Variants in GTF2F2 observed in about 807,000 individuals in gnomAD.
The protein encoded by GTF2F2 is general transcription factor IIF subunit 2.
Under a neutral mutation model 42.2 loss-of-function variants are expected in GTF2F2, and 23 were observed. The ratio of observed to expected loss-of-function variants is 0.55; its 90% CI spans 0.39 to 0.77. The LOEUF (loss-of-function observed/expected upper bound fraction) is 0.77, where lower values mean the gene tolerates loss of function less well. Ranked by LOEUF, GTF2F2 falls within the 30% of genes least tolerant of loss-of-function variation. The pLI is 0.00. For missense variants in GTF2F2, 261 were observed against 287.2 expected (o/e 0.91, Z 0.66); for synonymous variants, 105 against 100.8 (o/e 1.04, Z -0.25).
chr13:45,182,736 T>C (rs1265483603), intron 4 of GTF2F2, among the ~76,000 whole-genome samples: 9 of 152,148 alleles, frequency 5.9e-5, no homozygotes, highest in Non-Finnish European at 1.3e-4. Flanking sequence ...TTGTTCACTA[T>C]TGGTAGCTAT....
Position 45,245,702 on chromosome 13 carries a change from CAT to C in GTF2F2, c.387-7165_387-7164del, listed in dbSNP as rs1179535959. On this transcript the variant is annotated intron_variant, in intron 5 of 7. Coordinates refer to ENST00000340473, the MANE Select transcript of GTF2F2 (RefSeq NM_004128.3). ...ATATATATATATATATATATATATA[CAT>C]ATACATACACACACACACACACCAC... Among the ~76,000 whole-genome samples the C allele has an allele frequency of 4.5e-3, 247 of 55,034 alleles. 1 individual carries two copies. Among genetic ancestry groups the C allele is most frequent in the African/African-American group, 0.019 (232 of 12,284 alleles). 36.1% of individuals were successfully genotyped at this position (55,034 alleles called of 152,430 possible).
chr13:45,199,566 C>A (rs1873074054), intron 4 of GTF2F2, among the ~76,000 whole-genome samples: 1 of 151,960 alleles, frequency 6.6e-6, no homozygotes, highest in African/African-American at 2.4e-5. Flanking sequence ...CTGGAAAATT[C>A]TATTGTAACC....
At chr13:45,171,742 T>A (rs922629563) in intron 4 of GTF2F2, among the ~76,000 whole-genome samples, 3 of 152,208 alleles carry the variant, frequency 2.0e-5, no homozygotes, top group African/African-American at 4.8e-5. Context: ...CCCACACCTA[T>A]TTGTAGTCAC....
At chr13:45,179,029 A>G (rs968869626) in intron 4 of GTF2F2, among the ~76,000 whole-genome samples, 8 of 152,174 alleles carry the variant, frequency 5.3e-5, no homozygotes, top group African/African-American at 1.9e-4. Flanking sequence ...GCTTCTTTAC[A>G]TGGTGGCTGT....
rs984870521 is a variant in GTF2F2, at chr13:45,228,588, C to T, written c.386+21083C>T. The stretch of plus-strand genomic sequence containing the variant: ...ACCAATGGGCACTGAGCAGCTTCTC[C>T]TCATCCCTTGGGTATTGTTCTCCCT... On this transcript the variant is annotated intron_variant, in intron 5 of 7. Coordinates refer to ENST00000340473, the MANE Select transcript of GTF2F2 (RefSeq NM_004128.3). 4.6e-5 allele frequency among the ~76,000 whole-genome samples: 7 copies of T among 151,444 alleles called. No homozygotes were observed. In the East Asian group the frequency reaches 1.4e-3, roughly 29 times the overall value.
rs1489486333 is a variant in GTF2F2 at position 45,190,216 on chromosome 13, G to A, written c.305-17208G>A. 3.9e-5 allele frequency among the ~76,000 whole-genome samples: 6 copies of A among 152,116 alleles called. No homozygotes were observed. In the South Asian group the frequency reaches 1.0e-3, roughly 26 times the overall value. On this transcript the variant is annotated intron_variant, in intron 4 of 7. Transcript: ENST00000340473. The stretch of plus-strand genomic sequence containing the variant: ...TATGAACAGACACTTCTCAAAAGAA[G>A]ACATTTATGCAGCCAACAGACATGT...
In GTF2F2 at chr13:45,232,971, TG is replaced by T. The variant is rs1184929803; in HGVS notation, c.387-19899del. Among the ~76,000 whole-genome samples the T allele has an allele frequency of 3.3e-5, 5 of 152,234 alleles. No individual in the cohort carries two copies. The East Asian group carries it at 9.6e-4, about 29-fold the overall frequency. The stretch of plus-strand genomic sequence containing the variant: ...GATCTAATCTTAAATGATGTAAAGA[TG>T]ATCACTTGACCATCTGTTACAAAAT... On this transcript the variant is annotated intron_variant, in intron 5 of 7. Transcript: ENST00000340473.
intron 2 of GTF2F2, among the ~76,000 whole-genome samples, chr13:45,140,752 GT>G (rs1206173025): frequency 6.6e-6 from 1 of 152,100 alleles, no homozygotes; most frequent in Admixed American, 6.5e-5. Context: ...GAACTTCAGA[GT>G]TTTTTATATT....
intron 3 of GTF2F2, among the ~76,000 whole-genome samples, chr13:45,150,946 C>A (rs1402231206): frequency 6.6e-6 from 1 of 151,760 alleles, no homozygotes; most frequent in Non-Finnish European, 1.5e-5. Flanking sequence ...CCCCATTATT[C>A]TTTTTGTTTT....
chr13:45,236,358 A>T (rs996415807), intron 5 of GTF2F2, among the ~76,000 whole-genome samples: 9 of 152,154 alleles, frequency 5.9e-5, no homozygotes, highest in Admixed American at 4.6e-4. Context: ...GGCATAACTG[A>T]CTTTCTATTT....
At chr13:45,230,650 G>A (rs574179895) in intron 5 of GTF2F2, among the ~76,000 whole-genome samples, 7 of 152,178 alleles carry the variant, frequency 4.6e-5, no homozygotes, top group African/African-American at 1.4e-4. Context: ...CTTATATATT[G>A]TCCATTTTGA....
chr13:45,243,617 T>C (rs755996494), intron 5 of GTF2F2, among the ~76,000 whole-genome samples: 7 of 152,260 alleles, frequency 4.6e-5, no homozygotes, highest in Non-Finnish European at 1.0e-4. Context: ...GTAGTGGTTT[T>C]ACTGTTTTTT....
At chr13:45,210,481 C>T (rs1873588368) in intron 5 of GTF2F2, among the ~76,000 whole-genome samples, 1 of 152,186 alleles carries the variant, frequency 6.6e-6, no homozygotes, top group Non-Finnish European at 1.5e-5. Flanking sequence ...TCTTTCTGTA[C>T]TTGTATCTTC....
rs567236403 is a variant in GTF2F2, at chr13:45,267,870, C to T, written c.630+494C>T. 2.4e-4 allele frequency among the ~76,000 whole-genome samples: 35 copies of T among 143,566 alleles called. No homozygotes were observed. In the South Asian group the frequency reaches 7.8e-3, roughly 32 times the overall value. The allele number at this position is 143,566 out of a possible 152,430, so 94.2% of individuals were successfully genotyped here. ...TAGGTCCTTTTAAACCTGAACTGAA[C>T]TGCACTTTCAAATTATGCTTGCAGA... On this transcript the variant is annotated intron_variant, in intron 7 of 7. Coordinates refer to ENST00000340473, the MANE Select transcript of GTF2F2 (RefSeq NM_004128.3).
At chr13:45,208,382 T>C (rs895179006) in intron 5 of GTF2F2, among the ~76,000 whole-genome samples, 2 of 152,200 alleles carry the variant, frequency 1.3e-5, no homozygotes, top group African/African-American at 2.4e-5. Flanking sequence ...TGAGGAAATA[T>C]ATTATACCTG....
intron 4 of GTF2F2, among the ~76,000 whole-genome samples, chr13:45,178,361 G>C (rs1871983888): frequency 6.7e-6 from 1 of 149,182 alleles, no homozygotes; most frequent in Non-Finnish European, 1.5e-5. Context: ...TTTATTTCTA[G>C]ATGTCTTATG....
intron 5 of GTF2F2, among the ~76,000 whole-genome samples, chr13:45,245,303 T>G (rs1325606337): frequency 6.6e-6 from 1 of 152,116 alleles, no homozygotes; most frequent in Non-Finnish European, 1.5e-5. Context: ...AATTTTTTTT[T>G]TTTAATTTTT....
rs116148384 is a variant in GTF2F2, at chr13:45,243,324, C to T, written c.387-9547C>T. Among the ~76,000 whole-genome samples, 309 of 152,250 alleles carry T rather than the reference C, an allele frequency of 2.0e-3. 1 individual carries two copies. The highest frequency in any genetic ancestry group is 7.1e-3 in the African/African-American group (293 of 41,548). ...CAAGTGAACATTACTGCCTGAGCTC[C>T]GCCTCCTGTCTGATCAGCAGTGGCA... On this transcript the variant is annotated intron_variant, in intron 5 of 7. Coordinates refer to ENST00000340473, the MANE Select transcript of GTF2F2 (RefSeq NM_004128.3).
In GTF2F2 at chr13:45,224,768, G is replaced by C. The variant is rs115514345; in HGVS notation, c.386+17263G>C. Among the ~76,000 whole-genome samples, 157 of 152,278 alleles carry C rather than the reference G, an allele frequency of 1.0e-3. 1 individual carries two copies. Among genetic ancestry groups the C allele is most frequent in the African/African-American group, 3.7e-3 (154 of 41,566 alleles). On this transcript the variant is annotated intron_variant, in intron 5 of 7. Transcript: ENST00000340473. ...ATTAAGCTGTTGATTGCCAAAGCTT[G>C]TTTTTCTGATTTTTATTCAAATCTC...
Sources: allele counts gnomAD v4.1 joint callset (sites outside exome capture counted in the v4.1 genomes callset), GRCh38; gene constraint gnomAD v4.1.1; transcripts MANE v1.5; gene names NCBI Gene and HGNC (gene_info 2026-07-23, HGNC 2026-07-21).